Variants in GPC5 observed in about 807,000 individuals in gnomAD.
GPC5 encodes glypican-5.
Under a neutral mutation model 53.9 loss-of-function variants are expected in GPC5, and 47 were observed. That is an observed-to-expected ratio of 0.87 (90% CI 0.69 to 1.11). The LOEUF is 1.11. GPC5 is among the 50% of genes most tolerant of loss of function. GPC5 has a pLI of 0.00. For missense variants in GPC5, 748 were observed against 713.1 expected, an observed-to-expected ratio of 1.05 and a Z score of -0.56; for synonymous variants, 286 against 263.3, an observed-to-expected ratio of 1.09 and a Z score of -0.84.
chr13:92,620,220 A>C (rs759219076), intron 7 of GPC5, among the ~76,000 whole-genome samples: 1 of 152,246 alleles, frequency 6.6e-6, no homozygotes, highest in Non-Finnish European at 1.5e-5. Flanking sequence ...AAGATTACAC[A>C]ACTAGAAACT....
intron 7 of GPC5, among the ~76,000 whole-genome samples, chr13:92,760,449 A>G (rs140624168): frequency 6.6e-6 from 1 of 152,158 alleles, no homozygotes; most frequent in African/African-American, 2.4e-5. Context: ...AGGTTATCAA[A>G]TATCTTCACA....
chr13:91,474,474 C>A (rs1882813202), intron 2 of GPC5, among the ~76,000 whole-genome samples: 1 of 152,016 alleles, frequency 6.6e-6, no homozygotes, highest in African/African-American at 2.4e-5. Context: ...TCTTCCTTTG[C>A]AGTTGAACTG....
At chr13:91,888,135 C>T (rs1212390965) in intron 5 of GPC5, among the ~76,000 whole-genome samples, 2 of 152,174 alleles carry the variant, frequency 1.3e-5, no homozygotes, top group African/African-American at 4.8e-5. Context: ...GCCTCACAAT[C>T]ATGGCAGAAG....
At chr13:91,943,445 T>C (rs2039946673) in intron 6 of GPC5, among the ~76,000 whole-genome samples, 1 of 152,262 alleles carries the variant, frequency 6.6e-6, no homozygotes, top group Non-Finnish European at 1.5e-5. Context: ...TCATCAGAAG[T>C]TGACAGTTTT....
chr13:92,383,379 G>C (rs2043766180), intron 7 of GPC5, among the ~76,000 whole-genome samples: 3 of 152,150 alleles, frequency 2.0e-5, no homozygotes, highest in African/African-American at 7.2e-5. Context: ...TAACAGGAAA[G>C]AGGACCTCTA....
At chr13:91,673,713 A>G (rs564184575) in intron 2 of GPC5, among the ~76,000 whole-genome samples, 17 of 152,266 alleles carry the variant, frequency 1.1e-4, no homozygotes, top group African/African-American at 3.8e-4. Context: ...CATGAGACTT[A>G]TTGATCTAAG....
intron 7 of GPC5, among the ~76,000 whole-genome samples, chr13:92,782,473 G>A (rs559907645): frequency 6.6e-6 from 1 of 152,220 alleles, no homozygotes; most frequent in South Asian, 2.1e-4. Context: ...AAGAAGGCCT[G>A]TCTGAGTCAC....
intron 3 of GPC5, among the ~76,000 whole-genome samples, chr13:91,712,918 C>T (rs987931886): frequency 6.6e-6 from 1 of 151,966 alleles, no homozygotes; most frequent in African/African-American, 2.4e-5. Flanking sequence ...CGGCCAGGTG[C>T]GGTGGCTCAC....
At chr13:92,816,338 C>T (rs1477691515) in intron 7 of GPC5, among the ~76,000 whole-genome samples, 2 of 151,970 alleles carry the variant, frequency 1.3e-5, no homozygotes, top group African/African-American at 2.4e-5. Context: ...ATGATTTCCC[C>T]CCTTGGGTTT....
intron 7 of GPC5, among the ~76,000 whole-genome samples, chr13:92,654,134 T>C (rs1886049995): frequency 6.6e-6 from 1 of 152,254 alleles, no homozygotes; most frequent in Non-Finnish European, 1.5e-5. Flanking sequence ...GATTGCACTT[T>C]GTTTAATTTT....
At chr13:92,263,123 A>G (rs1448451095) in intron 7 of GPC5, among the ~76,000 whole-genome samples, 1 of 152,170 alleles carries the variant, frequency 6.6e-6, no homozygotes, top group African/African-American at 2.4e-5. Context: ...AAAACTGGAA[A>G]CAATATTACT....
At chr13:91,610,284 C>T (rs1438256510) in intron 2 of GPC5, among the ~76,000 whole-genome samples, 1 of 152,184 alleles carries the variant, frequency 6.6e-6, no homozygotes, top group Non-Finnish European at 1.5e-5. Context: ...CTTTGGAAAA[C>T]AGTAATGAAA....
chr13:91,931,055 T>C (rs1430057664), intron 6 of GPC5, among the ~76,000 whole-genome samples: 1 of 152,104 alleles, frequency 6.6e-6, no homozygotes, highest in African/African-American at 2.4e-5. Flanking sequence ...CACATTTTCA[T>C]CCTTATTGCC....
At chr13:91,959,091 CACACACACACAT>C (rs2040102107) in intron 6 of GPC5, among the ~76,000 whole-genome samples, 1 of 141,996 alleles carries the variant, frequency 7.0e-6, no homozygotes, top group African/African-American at 2.5e-5. Context: ...CACACACACA[CACACACACACAT>C]CAATGATGAA....
intron 5 of GPC5, among the ~76,000 whole-genome samples, chr13:91,823,223 A>G (rs1259405323): frequency 1.3e-5 from 2 of 152,216 alleles, no homozygotes; most frequent in South Asian, 4.1e-4. Flanking sequence ...TTTTGGCAGT[A>G]TATGTTGTTG....
intron 7 of GPC5, among the ~76,000 whole-genome samples, chr13:92,579,607 TAACTG>T (rs899027622): frequency 2.0e-5 from 3 of 152,046 alleles, no homozygotes; most frequent in Non-Finnish European, 4.4e-5. Flanking sequence ...AATTTATAAA[TAACTG>T]AACTGAGAGA....
chr13:91,417,141 A>C (rs191090826), intron 1 of GPC5, among the ~76,000 whole-genome samples: 5 of 152,304 alleles, frequency 3.3e-5, no homozygotes, highest in African/African-American at 1.2e-4. Flanking sequence ...TATGATTCCC[A>C]GTTTTTAAAT....
At chr13:92,187,654 C>G (rs2042193754) in intron 7 of GPC5, among the ~76,000 whole-genome samples, 1 of 152,104 alleles carries the variant, frequency 6.6e-6, no homozygotes. Flanking sequence ...TAGAAAGAAG[C>G]TGGGCTTTAG....
At chr13:92,414,787 C>T (rs1876209103) in intron 7 of GPC5, among the ~76,000 whole-genome samples, 1 of 152,126 alleles carries the variant, frequency 6.6e-6, no homozygotes. Context: ...TGAGGGCCCA[C>T]TTTCTGGTTC....
Sources: gnomAD v4.1 joint callset for allele counts (sites outside exome capture counted in the v4.1 genomes callset) on GRCh38, gnomAD v4.1.1 for gene constraint, MANE v1.5 for transcripts, NCBI Gene and HGNC (gene_info 2026-07-23, HGNC 2026-07-21) for gene names.